MYO1E: variants seen among roughly 807,000 people sequenced by gnomAD.
The protein encoded by MYO1E is unconventional myosin-Ie.
MYO1E carries 68 observed loss-of-function variants against 151.1 expected under a neutral mutation model. The ratio of observed to expected loss-of-function variants is 0.45; its 90% CI spans 0.37 to 0.55. MYO1E has a LOEUF of 0.55. MYO1E is among the 20% of genes least tolerant of loss of function. The pLI is 0.00. For synonymous variants in MYO1E, 601 were observed against 501.7 expected (o/e 1.20, Z -2.64); for missense variants, 1,363 against 1,389.3 (o/e 0.98, Z 0.30).
intron 6 of MYO1E, among the ~76,000 whole-genome samples, chr15:59,230,192 TGAATA>T (rs1260241171): frequency 5.4e-5 from 8 of 147,456 alleles, no homozygotes; most frequent in Non-Finnish European, 1.0e-4. Context: ...TCCATGATGG[TGAATA>T]GTGAGAGAGA....
At chr15:59,162,769 G>T (rs1450009591) in intron 23 of MYO1E, among the ~76,000 whole-genome samples, 1 of 151,738 alleles carries the variant, frequency 6.6e-6, no homozygotes, top group African/African-American at 2.4e-5. Flanking sequence ...TTATGCATTG[G>T]TTTGGGGAAT....
intron 1 of MYO1E, among the ~76,000 whole-genome samples, chr15:59,300,857 CTTTTTTTTCTTT>C (rs1404309290): frequency 6.3e-5 from 9 of 143,944 alleles, no homozygotes; most frequent in African/African-American, 2.4e-4. Flanking sequence ...TCTTTTTTTC[CTTTTTTTTCTTT>C]TTTTTTTTTT....
chr15:59,201,228 G>C (rs1222855776), intron 16 of MYO1E, among the ~76,000 whole-genome samples: 1 of 151,374 alleles, frequency 6.6e-6, no homozygotes, highest in African/African-American at 2.4e-5. Flanking sequence ...CTCCCAAGTA[G>C]CTGAGAGCAT....
chr15:59,245,150 G>A (rs958278274), intron 4 of MYO1E, among the ~76,000 whole-genome samples: 2 of 152,188 alleles, frequency 1.3e-5, no homozygotes, highest in African/African-American at 4.8e-5. Flanking sequence ...CAGCAACTCA[G>A]GAGAGCCCTG....
chr15:59,328,133 G>C (rs1214435575), intron 1 of MYO1E, among the ~76,000 whole-genome samples: 2 of 152,230 alleles, frequency 1.3e-5, no homozygotes, highest in East Asian at 1.9e-4. Flanking sequence ...AGAGGTGTCA[G>C]CAGAGGGTGA....
chr15:59,252,145 A>G (rs2080168609), intron 4 of MYO1E, among the ~76,000 whole-genome samples: 2 of 152,280 alleles, frequency 1.3e-5, no homozygotes, highest in Admixed American at 1.3e-4. Context: ...GAAAACAGTT[A>G]ATTTTTCAAC....
intron 4 of MYO1E, among the ~76,000 whole-genome samples, chr15:59,248,474 G>C (rs972625140): frequency 8.9e-6 from 1 of 111,930 alleles, no homozygotes; most frequent in Non-Finnish European, 1.7e-5. Context: ...ACGACAGGGT[G>C]AGACTCCATC....
rs143893171 is a variant in MYO1E, at chr15:59,272,757, T to C, written c.4-308A>G. Among the ~76,000 whole-genome samples, 360 of 152,240 alleles carry C rather than the reference T, an allele frequency of 2.4e-3. 2 individuals carry two copies. The highest frequency in any genetic ancestry group is 8.2e-3 in the African/African-American group (341 of 41,524). On this transcript the variant is annotated intron_variant, in intron 1 of 27. Coordinates refer to ENST00000288235, the MANE Select transcript of MYO1E (RefSeq NM_004998.4). Reference sequence around the variant, plus strand: ...ACGCTGCTGTAAGGATTAAATAAAATAATATGTGTGAAGTGCTAAACAGTG... The same window carrying C: ...ACGCTGCTGTAAGGATTAAATAAAACAATATGTGTGAAGTGCTAAACAGTG...
At chr15:59,311,460 T>C (rs1196026510) in intron 1 of MYO1E, among the ~76,000 whole-genome samples, 1 of 152,120 alleles carries the variant, frequency 6.6e-6, no homozygotes, top group African/African-American at 2.4e-5. Flanking sequence ...TCCCAGTTCC[T>C]AACAGGCCAC....
chr15:59,161,291 G>C, intron 23 of MYO1E, 61 bp from the exon 24 acceptor site: 1 of 1,562,060 alleles, frequency 6.4e-7, no homozygotes, highest in South Asian at 1.1e-5. Context: ...GGTGCTCAGA[G>C]ATCCCGCCAC....
In MYO1E at chr15:59,173,774, G is replaced by T. The variant is rs1486406732; in HGVS notation, c.2306C>A (p.Thr769Lys). 1 of 1,614,196 alleles carries T rather than the reference G, an allele frequency of 6.2e-7. No homozygotes were observed. Among genetic ancestry groups the T allele is most frequent in the Non-Finnish European group, 8.5e-7 (1 of 1,180,028 alleles). Residue 769 changes from threonine to lysine, a missense_variant, in exon 21 of 28, where the codon ACA (threonine) becomes AAA (lysine). Coordinates refer to ENST00000288235, the MANE Select transcript of MYO1E (RefSeq NM_004998.4). ...GAACCTCCTGTCATACTTGGTGACT[G>T]TGTCTGCGAAATCAATCTTCTCCCT... ...GKREKIDFAD[T>K]VTKYDRRFKG...
chr15:59,230,691 C>A (rs941547985), intron 6 of MYO1E, among the ~76,000 whole-genome samples: 1 of 152,180 alleles, frequency 6.6e-6, no homozygotes, highest in South Asian at 2.1e-4. Flanking sequence ...GCAAGTCTAA[C>A]AGATAGAACC....
intron 1 of MYO1E, among the ~76,000 whole-genome samples, chr15:59,347,877 T>C (rs930982783): frequency 2.0e-5 from 3 of 152,228 alleles, no homozygotes; most frequent in Non-Finnish European, 2.9e-5. Context: ...AAAATATGTA[T>C]GTAATTACAT....
At chr15:59,211,661 C>T (rs1000140564) in intron 12 of MYO1E, among the ~76,000 whole-genome samples, 23 of 152,300 alleles carry the variant, frequency 1.5e-4, no homozygotes, top group African/African-American at 5.5e-4. Context: ...GACCTCCAAA[C>T]AACCCCTCTT....
intron 1 of MYO1E, among the ~76,000 whole-genome samples, chr15:59,346,649 G>A (rs1264580029): frequency 2.0e-5 from 3 of 152,160 alleles, no homozygotes; most frequent in Non-Finnish European, 2.9e-5. Context: ...GAAGATGGCT[G>A]GGCATGGTGT....
chr15:59,208,231 C>A, intron 14 of MYO1E: 2 of 738,256 alleles, frequency 2.7e-6, no homozygotes, highest in Non-Finnish European at 4.3e-6. Flanking sequence ...AGTCCTCCAG[C>A]TCTTTTATTG....
chr15:59,372,450 G>A (rs2140448938), intron 1 of MYO1E, 48 bp downstream of exon 1: 2 of 1,536,438 alleles, frequency 1.3e-6, no homozygotes, highest in East Asian at 2.5e-5. Flanking sequence ...GGGGTTTCCT[G>A]CCCCGTCCCC....
intron 1 of MYO1E, among the ~76,000 whole-genome samples, chr15:59,340,666 T>G (rs1483716794): frequency 6.6e-6 from 1 of 152,232 alleles, no homozygotes; most frequent in East Asian, 1.9e-4. Context: ...ACATTTAATG[T>G]CCAAAGTAAA....
intron 1 of MYO1E, among the ~76,000 whole-genome samples, chr15:59,330,136 C>T (rs1349122660): frequency 6.6e-6 from 1 of 152,034 alleles, no homozygotes; most frequent in South Asian, 2.1e-4. Flanking sequence ...TCTGGGGCCA[C>T]GGTCAATGAA....
Sources: gnomAD v4.1 joint callset for allele counts (sites outside exome capture counted in the v4.1 genomes callset) on GRCh38, gnomAD v4.1.1 for gene constraint, MANE v1.5 for transcripts, NCBI Gene and HGNC (gene_info 2026-07-23, HGNC 2026-07-21) for gene names.